Variants in ZUP1 observed in about 807,000 individuals in gnomAD.
The protein encoded by ZUP1 is zinc finger containing ubiquitin peptidase 1.
In ZUP1, 55 loss-of-function variants were observed where a neutral mutation model predicts 68.1. The observed-to-expected ratio is 0.81, with a 90% confidence interval of 0.65 to 1.01. The LOEUF is 1.01. Among genes scored for constraint, ZUP1 ranks in the 50% least tolerant of loss-of-function variants. The probability of loss-of-function intolerance (pLI) is 0.00; values close to 1 mark genes in which losing one functional copy is unlikely to be tolerated. For missense variants in ZUP1, 684 were observed against 674.9 expected (o/e 1.01, Z -0.15); for synonymous variants, 223 against 221.5 (o/e 1.01, Z -0.06).
intron 5 of ZUP1, among the ~76,000 whole-genome samples, chr6:116,655,961 T>C (rs945550517): frequency 4.6e-5 from 7 of 152,220 alleles, no homozygotes; most frequent in African/African-American, 1.4e-4. Context: ...GTATAAACAA[T>C]GTAAAATGTC....
intron 2 of ZUP1, among the ~76,000 whole-genome samples, chr6:116,661,570 T>C (rs1776842681): frequency 6.6e-6 from 1 of 152,194 alleles, no homozygotes. Flanking sequence ...ATTAAAGAGC[T>C]GCATCCATCA....
At chr6:116,641,816 A>T (rs1262340558) in intron 9 of ZUP1, among the ~76,000 whole-genome samples, 3 of 152,218 alleles carry the variant, frequency 2.0e-5, no homozygotes, top group Non-Finnish European at 2.9e-5. Context: ...AAAAGCTAGC[A>T]GGAGGCAAGA....
chr6:116,644,865 AAAAG>A (rs1776239643), intron 9 of ZUP1, among the ~76,000 whole-genome samples: 2 of 151,800 alleles, frequency 1.3e-5, no homozygotes, highest in South Asian at 4.1e-4. Flanking sequence ...AAATAATAAA[AAAAG>A]AAGAAGAAGA....
rs778849134 is a variant in ZUP1 at position 116,645,899 on chromosome 6, T to C, written c.1504A>G (p.Lys502Glu). The change falls in exon 9 of 10, where the codon AAA (lysine) becomes GAA (glutamate). Residue 502 changes from lysine (K) to glutamate (E), a missense_variant. Coordinates refer to ENST00000368576, the MANE Select transcript of ZUP1 (RefSeq NM_145062.3). ...ATTAGTAAGCATAATGTTCGGTTTT[T>C]TTTCTCTTCAATTCCAATAACAGTT... is the stretch of plus-strand genomic sequence containing the variant. ...SRTVIGIEEK[K>E]NRTLCLLILD... 26 of 1,613,544 alleles carry C rather than the reference T, an allele frequency of 1.6e-5. No homozygotes were observed. The highest frequency in any genetic ancestry group is 2.2e-5 in the South Asian group (2 of 90,994).
rs747266152 is a variant in ZUP1, at chr6:116,667,203, A to G, written c.-11T>C. The stretch of plus-strand genomic sequence containing the variant: ...ATTACAGGAAAGCATGGTATTGACA[A>G]GTAGCTAGAAAAGAACATAACATTA... On this transcript the variant is annotated 5_prime_UTR_variant, in exon 2 of 10. Coordinates refer to ENST00000368576, the MANE Select transcript of ZUP1 (RefSeq NM_145062.3). 1 of 1,529,340 alleles carries G rather than the reference A, an allele frequency of 6.5e-7. No homozygotes were observed. Among genetic ancestry groups the G allele is most frequent in the Admixed American group, 2.2e-5 (1 of 45,810 alleles). The allele number at this position is 1,529,340 out of a possible 1,614,324, so 94.7% of individuals were successfully genotyped here. A position where few individuals can be genotyped will look rare whatever the true frequency, so the allele number is the denominator to read the frequency against.
intron 2 of ZUP1, among the ~76,000 whole-genome samples, chr6:116,666,220 G>A (rs989185483): frequency 3.9e-5 from 6 of 151,986 alleles, no homozygotes; most frequent in African/African-American, 7.3e-5. Flanking sequence ...AAGATAGCTC[G>A]TGTCTTGAGC....
intron 3 of ZUP1, 106 bp downstream of exon 3, chr6:116,660,630 G>T: frequency 1.7e-6 from 1 of 594,412 alleles, no homozygotes; most frequent in Non-Finnish European, 2.8e-6. Context: ...TAAAGGAAAA[G>T]ATGTATTTTA....
chr6:116,652,615 C>T (rs533948627), intron 5 of ZUP1, among the ~76,000 whole-genome samples: 2 of 152,074 alleles, frequency 1.3e-5, no homozygotes, highest in African/African-American at 2.4e-5. Flanking sequence ...TTGCAATTTT[C>T]GAAGCATGAG....
chr6:116,650,303 T>C (rs140336331), intron 7 of ZUP1, among the ~76,000 whole-genome samples: 48 of 149,806 alleles, frequency 3.2e-4, no homozygotes, highest in African/African-American at 1.2e-3. Context: ...AAGCCTGTAA[T>C]CCCAGCTACT....
At chr6:116,643,497 T>C (rs1175067496) in intron 9 of ZUP1, among the ~76,000 whole-genome samples, 1 of 152,096 alleles carries the variant, frequency 6.6e-6, no homozygotes, top group Non-Finnish European at 1.5e-5. Context: ...GAGATATAGA[T>C]CAATGGAACA....
chr6:116,642,606 T>C (rs1170867267), intron 9 of ZUP1, among the ~76,000 whole-genome samples: 1 of 152,248 alleles, frequency 6.6e-6, no homozygotes, highest in Non-Finnish European at 1.5e-5. Flanking sequence ...TCTCAATAGA[T>C]GCAGAAAAGG....
At chr6:116,640,461 G>A (rs527961294) in intron 9 of ZUP1, among the ~76,000 whole-genome samples, 2 of 152,112 alleles carry the variant, frequency 1.3e-5, no homozygotes, top group East Asian at 3.9e-4. Flanking sequence ...ACCCACAAAG[G>A]GAAGCCCATC....
chr6:116,665,755 T>TG (rs1776987558), intron 2 of ZUP1, among the ~76,000 whole-genome samples: 1 of 84,982 alleles, frequency 1.2e-5, no homozygotes, highest in East Asian at 2.4e-4. Context: ...AGTTTTTTGG[T>TG]TTTTTTTTTT....
At position 116,647,521 on chromosome 6, in the gene ZUP1, T is replaced by C. The variant is rs145019610; in HGVS notation, c.1406A>G (p.Glu469Gly). The change falls in exon 8 of 10, where the codon GAG (glutamate) becomes GGG (glycine). Residue 469 changes from glutamate to glycine, a missense_variant. Transcript: ENST00000368576. ...FEWILNYYSS[E>G]GEGSPKVVCT... ...CACTACCTTTGGACTCCCTTCTCCC[T>C]CTGAAGAATAATAGTTCAATATCCA... 1,350 of 1,602,550 alleles carry C rather than the reference T, an allele frequency of 8.4e-4. 10 individuals carry two copies. The highest frequency in any genetic ancestry group is 1.2e-3 in the Middle Eastern group (7 of 6,020).
At chr6:116,640,823 A>G (rs1416672219) in intron 9 of ZUP1, among the ~76,000 whole-genome samples, 1 of 151,832 alleles carries the variant, frequency 6.6e-6, no homozygotes, top group South Asian at 2.1e-4. Context: ...GACAGGATCA[A>G]ATTCACACAC....
At chr6:116,644,621 T>C (rs1350478940) in intron 9 of ZUP1, among the ~76,000 whole-genome samples, 1 of 149,112 alleles carries the variant, frequency 6.7e-6, no homozygotes, top group Non-Finnish European at 1.5e-5. Context: ...TTCTCACTCA[T>C]AGATGGGAAT....
chr6:116,642,959 T>A (rs905161063), intron 9 of ZUP1, among the ~76,000 whole-genome samples: 2 of 152,154 alleles, frequency 1.3e-5, no homozygotes, highest in Non-Finnish European at 2.9e-5. Flanking sequence ...GCCCAAAATC[T>A]CCTTAAGTTG....
At chr6:116,643,626 G>T (rs549986756) in intron 9 of ZUP1, among the ~76,000 whole-genome samples, 2 of 152,108 alleles carry the variant, frequency 1.3e-5, no homozygotes, top group Admixed American at 6.5e-5. Context: ...GGGAAAACTG[G>T]CTGGCCATAT....
At chr6:116,650,594 A>G (rs1170359936) in intron 7 of ZUP1, among the ~76,000 whole-genome samples, 1 of 152,184 alleles carries the variant, frequency 6.6e-6, no homozygotes, top group South Asian at 2.1e-4. Flanking sequence ...TCTAACTACT[A>G]TTAATACCTT....
Sources: allele counts gnomAD v4.1 joint callset (sites outside exome capture counted in the v4.1 genomes callset), GRCh38; gene constraint gnomAD v4.1.1; transcripts MANE v1.5; gene names NCBI Gene and HGNC (gene_info 2026-07-23, HGNC 2026-07-21).